BCL2L14: variants seen among roughly 807,000 people sequenced by gnomAD.
The protein encoded by BCL2L14 is BCL2 like 14, also known as apoptosis facilitator Bcl-2-like protein 14.
Under a neutral mutation model 35.3 loss-of-function variants are expected in BCL2L14, and 27 were observed. The ratio of observed to expected loss-of-function variants is 0.76; its 90% CI spans 0.56 to 1.05. The LOEUF (loss-of-function observed/expected upper bound fraction) is 1.05, where lower values mean the gene tolerates loss of function less well. Ranked by LOEUF, BCL2L14 falls within the 50% of genes least tolerant of loss-of-function variation. The pLI, the probability that BCL2L14 is intolerant of heterozygous loss-of-function variation, is 0.00. For synonymous variants in BCL2L14, 139 were observed against 145.9 expected (o/e 0.95, Z 0.34); for missense variants, 377 against 382.6 (o/e 0.99, Z 0.12).
intron 1 of BCL2L14, among the ~76,000 whole-genome samples, chr12:12,077,024 T>C (rs968941379): frequency 2.0e-5 from 3 of 152,198 alleles, no homozygotes; most frequent in Admixed American, 1.3e-4. Context: ...CCAACTTGTC[T>C]GTACCACCTC....
At chr12:12,092,346 C>G (rs1254148502) in intron 4 of BCL2L14, among the ~76,000 whole-genome samples, 1 of 152,236 alleles carries the variant, frequency 6.6e-6, no homozygotes, top group African/African-American at 2.4e-5. Context: ...TTGCTTATGG[C>G]AAAGCCTTGG....
chr12:12,053,653 C>T (rs1948390447), intron 2 of BCL2L14, among the ~76,000 whole-genome samples: 1 of 152,170 alleles, frequency 6.6e-6, no homozygotes, highest in African/African-American at 2.4e-5. Flanking sequence ...CTTCCAACCT[C>T]AGGTACCCGC....
chr12:12,080,029 C>T (rs1230356971), intron 2 of BCL2L14, among the ~76,000 whole-genome samples: 1 of 152,020 alleles, frequency 6.6e-6, no homozygotes, highest in African/African-American at 2.4e-5. Flanking sequence ...ACGGTAAAAC[C>T]CCGTCTCCAC....
intron 2 of BCL2L14, among the ~76,000 whole-genome samples, chr12:12,058,307 G>C (rs1948464406): frequency 1.3e-5 from 2 of 151,554 alleles, no homozygotes; most frequent in Non-Finnish European, 2.9e-5. Flanking sequence ...CTAGAGTGCA[G>C]TGGCATGATG....
At chr12:12,063,156 CA>C (rs1200717219) in intron 2 of BCL2L14, among the ~76,000 whole-genome samples, 8 of 149,998 alleles carry the variant, frequency 5.3e-5, no homozygotes, top group African/African-American at 1.7e-4. Context: ...TCCTATTCAC[CA>C]TTCTCAACTA....
At chr12:12,065,794 ATTT>A (rs35435604) in intron 2 of BCL2L14, among the ~76,000 whole-genome samples, 2 of 139,840 alleles carry the variant, frequency 1.4e-5, no homozygotes, top group Non-Finnish European at 1.6e-5. Context: ...CTTTGTTTCT[ATTT>A]TTTTTTTTTT....
At chr12:12,098,544 C>T (rs1029736922) in intron 5 of BCL2L14, among the ~76,000 whole-genome samples, 3 of 152,202 alleles carry the variant, frequency 2.0e-5, no homozygotes, top group African/African-American at 7.2e-5. Flanking sequence ...TTCTGATTTA[C>T]TCCTTGGCTC....
At chr12:12,075,390 G>T (rs1365270684) in intron 1 of BCL2L14, among the ~76,000 whole-genome samples, 2 of 146,280 alleles carry the variant, frequency 1.4e-5, no homozygotes, top group Non-Finnish European at 3.0e-5. Flanking sequence ...GAACGATTGT[G>T]CCCTGCCTGA....
intron 1 of BCL2L14, among the ~76,000 whole-genome samples, chr12:12,050,247 A>G (rs1230842033): frequency 1.3e-5 from 2 of 152,100 alleles, no homozygotes; most frequent in Non-Finnish European, 2.9e-5. Flanking sequence ...ATGCCCTGGC[A>G]TGCAAAGGCT....
intron 2 of BCL2L14, among the ~76,000 whole-genome samples, chr12:12,062,266 C>G (rs1350447332): frequency 2.0e-5 from 3 of 146,548 alleles, no homozygotes; most frequent in Non-Finnish European, 4.5e-5. Flanking sequence ...TGATACCACA[C>G]CTGACCCCCA....
intron 5 of BCL2L14, chr12:12,095,379 G>A (rs998893892): frequency 1.0e-6 from 1 of 985,232 alleles, no homozygotes; most frequent in African/African-American, 1.7e-5. Context: ...TGTCATTGCT[G>A]CTTTGACCCA....
At chr12:12,073,928 C>T (rs1948725112) in intron 1 of BCL2L14, among the ~76,000 whole-genome samples, 2 of 152,180 alleles carry the variant, frequency 1.3e-5, no homozygotes, top group Admixed American at 1.3e-4. Flanking sequence ...TGGTGGCCCG[C>T]TTTGCCTGCT....
At position 12,096,757 on chromosome 12, in the gene BCL2L14, T is replaced by C. The variant is rs115254460; in HGVS notation, c.945+1827T>C. Among the ~76,000 whole-genome samples, 1,385 of 152,262 alleles carry C rather than the reference T, an allele frequency of 9.1e-3. 18 individuals carry two copies. The highest frequency in any genetic ancestry group is 0.031 in the African/African-American group (1,278 of 41,562). On this transcript the variant is annotated intron_variant, in intron 5 of 5. Coordinates refer to ENST00000308721, the MANE Select transcript of BCL2L14 (RefSeq NM_138723.2). ...TGACGTCGGTGAGGATGTGGAGAAA[T>C]TGGAACCTTTTATGTTGCTGGTTGG...
upstream of BCL2L14, chr12:12,068,099 A>G: frequency 7.5e-6 from 3 of 397,766 alleles, no homozygotes; most frequent in Middle Eastern, 6.3e-4. Context: ...GTGCTCCACC[A>G]CGCCCAGCTA....
At chr12:12,087,127 T>C in intron 2 of BCL2L14, 86 bp from the exon 3 acceptor site, 1 of 1,412,596 alleles carries the variant, frequency 7.1e-7, no homozygotes, top group Non-Finnish European at 9.8e-7. Context: ...TCTGGCCTGG[T>C]CTTTTCATTC....
At chr12:12,094,107 TAAAAAAAA>T (rs55947114) in intron 4 of BCL2L14, among the ~76,000 whole-genome samples, 1 of 142,780 alleles carries the variant, frequency 7.0e-6, no homozygotes, top group Non-Finnish European at 1.5e-5. Context: ...AACCCTGTCT[TAAAAAAAA>T]AAAAAAGAAA....
At chr12:12,080,474 G>A (rs1275605115) in intron 2 of BCL2L14, among the ~76,000 whole-genome samples, 1 of 151,884 alleles carries the variant, frequency 6.6e-6, no homozygotes, top group African/African-American at 2.4e-5. Context: ...CAAAAAATTA[G>A]CCGGGCATGG....
intron 2 of BCL2L14, chr12:12,054,511 AAAAAAAAT>A (rs904450119): frequency 7.5e-4 from 17 of 22,668 alleles, no homozygotes; most frequent in African/African-American, 1.2e-3. Context: ...CTCGAAAAAA[AAAAAAAAT>A]AAAATCCAAT....
intron 2 of BCL2L14, chr12:12,054,749 G>A (rs1404325042): frequency 6.6e-6 from 1 of 151,806 alleles, no homozygotes; most frequent in Non-Finnish European, 1.5e-5. Context: ...AGGAGATCGA[G>A]ACCAGCCTGG....
Sources: gnomAD v4.1 joint callset for allele counts (sites outside exome capture counted in the v4.1 genomes callset) on GRCh38, gnomAD v4.1.1 for gene constraint, MANE v1.5 for transcripts, NCBI Gene and HGNC (gene_info 2026-07-23, HGNC 2026-07-21) for gene names.